Variants in CHN2 observed in about 807,000 individuals in gnomAD.
The protein encoded by CHN2 is beta-chimaerin.
Under a neutral mutation model 56.3 loss-of-function variants are expected in CHN2, and 35 were observed. The ratio of observed to expected loss-of-function variants is 0.62; its 90% CI spans 0.47 to 0.82. CHN2 has a LOEUF of 0.82. Among genes scored for constraint, CHN2 ranks in the 40% least tolerant of loss-of-function variants. The probability of loss-of-function intolerance (pLI) is 0.00; values close to 1 mark genes in which losing one functional copy is unlikely to be tolerated. For synonymous variants in CHN2, 210 were observed against 212.8 expected, an observed-to-expected ratio of 0.99 and a Z score of 0.12; for missense variants, 491 against 580.5, an observed-to-expected ratio of 0.85 and a Z score of 1.58.
At position 29,178,563 on chromosome 7, in the gene CHN2, A is replaced by G. The variant is rs79523953; in HGVS notation, c.274+31603A>G. On this transcript the variant is annotated intron_variant, in intron 2 of 6. Coordinates refer to the CHN2 transcript ENST00000439384. ...GAGACGTTGCCTGACATGCTGTTTTATGTTCATCTGAACACATTTTTCAGC... is the reference window on the plus strand; with the variant it reads ...GAGACGTTGCCTGACATGCTGTTTTGTGTTCATCTGAACACATTTTTCAGC... 4.5e-3 allele frequency among the ~76,000 whole-genome samples: 691 copies of G among 152,158 alleles called. 3 individuals are homozygous for G. The highest frequency in any genetic ancestry group is 0.013 in the African/African-American group (521 of 41,502).
intron 7 of CHN2, among the ~76,000 whole-genome samples, chr7:29,492,634 C>A (rs894949697): frequency 2.0e-5 from 3 of 152,162 alleles, no homozygotes; most frequent in African/African-American, 7.2e-5. Flanking sequence ...CCTTCCTTGA[C>A]TCCACATCTC....
intron 1 of CHN2, among the ~76,000 whole-genome samples, chr7:29,235,942 A>ATGAG (rs1787162036): frequency 6.6e-6 from 1 of 152,242 alleles, no homozygotes; most frequent in Non-Finnish European, 1.5e-5. Flanking sequence ...TACTATGCTC[A>ATGAG]TTACATGGGT....
At chr7:29,218,929 TGTACCCTAGAACTTA>T (rs1785557688) in intron 1 of CHN2, among the ~76,000 whole-genome samples, 2 of 151,632 alleles carry the variant, frequency 1.3e-5, no homozygotes, top group African/African-American at 4.8e-5. Flanking sequence ...GTTGTGCACA[TGTACCCTAGAACTTA>T]AAGTATAATA....
At chr7:29,378,128 A>C (rs1294965918) in intron 3 of CHN2, among the ~76,000 whole-genome samples, 2 of 152,206 alleles carry the variant, frequency 1.3e-5, no homozygotes, top group African/African-American at 4.8e-5. Context: ...TTTCATCAAC[A>C]CCTTTCAAGT....
chr7:29,216,603 C>T (rs565224278), intron 1 of CHN2, among the ~76,000 whole-genome samples: 3 of 152,356 alleles, frequency 2.0e-5, no homozygotes, highest in African/African-American at 4.8e-5. Context: ...TCTCTCTCCC[C>T]AGCCTCTCAG....
At chr7:29,227,340 G>A (rs1584794644) in intron 1 of CHN2, among the ~76,000 whole-genome samples, 1 of 152,148 alleles carries the variant, frequency 6.6e-6, no homozygotes, top group Non-Finnish European at 1.5e-5. Context: ...GCAGCATCCT[G>A]TACATCATTA....
intron 1 of CHN2, among the ~76,000 whole-genome samples, chr7:29,260,667 G>A (rs1012454506): frequency 2.6e-5 from 4 of 152,162 alleles, no homozygotes; most frequent in Non-Finnish European, 4.4e-5. Flanking sequence ...TGACTCCATA[G>A]CTCAGTGTTT....
At chr7:29,493,662 T>C (rs570009677) in intron 7 of CHN2, among the ~76,000 whole-genome samples, 86 of 152,296 alleles carry the variant, frequency 5.6e-4, no homozygotes, top group Non-Finnish European at 1.2e-3. Flanking sequence ...TCTTGACTCC[T>C]GTCTCCCTCA....
rs765995455 is a variant in CHN2 at position 29,147,009 on chromosome 7, A to G, written c.274+49A>G. On this transcript the variant is annotated intron_variant, in intron 2 of 6. Transcript: ENST00000439384. ...GTCCTGCCAAGCACTCTCCTGAATCACTGCGCTGGAGTCTCAGAGCCACCT... is the reference window on the plus strand; with the variant it reads ...GTCCTGCCAAGCACTCTCCTGAATCGCTGCGCTGGAGTCTCAGAGCCACCT... 5 of 1,549,578 alleles carry G rather than the reference A, an allele frequency of 3.2e-6. 1 individual carries two copies. In the South Asian group the frequency reaches 6.0e-5, roughly 18 times the overall value.
chr7:29,505,719 T>A (rs1042466154), intron 10 of CHN2, among the ~76,000 whole-genome samples: 1 of 152,070 alleles, frequency 6.6e-6, no homozygotes. Context: ...TTTTTCCACA[T>A]CCCCCCACAT....
chr7:29,299,731 G>A (rs1793494987), intron 1 of CHN2, among the ~76,000 whole-genome samples: 1 of 152,142 alleles, frequency 6.6e-6, no homozygotes, highest in Non-Finnish European at 1.5e-5. Context: ...CATAATTCCT[G>A]TATTTCCATT....
chr7:29,198,177 G>A (rs961304724), intron 1 of CHN2, among the ~76,000 whole-genome samples: 5 of 152,194 alleles, frequency 3.3e-5, no homozygotes, highest in African/African-American at 1.2e-4. Context: ...ATTGAGCAGT[G>A]AAAAAGGAAC....
At chr7:29,372,171 G>A (rs1236747232) in intron 3 of CHN2, among the ~76,000 whole-genome samples, 1 of 151,566 alleles carries the variant, frequency 6.6e-6, no homozygotes, top group East Asian at 1.9e-4. Flanking sequence ...CAAGTGCACT[G>A]CCTTTTAGCC....
chr7:29,399,557 A>C (rs1464955181), intron 5 of CHN2, among the ~76,000 whole-genome samples: 1 of 152,152 alleles, frequency 6.6e-6, no homozygotes, highest in African/African-American at 2.4e-5. Context: ...AGCCCTATAC[A>C]TTTCGGGGAA....
intron 1 of CHN2, among the ~76,000 whole-genome samples, chr7:29,351,718 G>A (rs536102777): frequency 6.6e-6 from 1 of 152,174 alleles, no homozygotes; most frequent in South Asian, 2.1e-4. Context: ...CAGAGAGAAA[G>A]CCAGTGTAGT....
chr7:29,484,631 A>C (rs532793176), intron 7 of CHN2, among the ~76,000 whole-genome samples: 162 of 152,344 alleles, frequency 1.1e-3, no homozygotes, highest in Non-Finnish European at 2.0e-3. Context: ...ATACTAATCC[A>C]GTATGATGTC....
At chr7:29,490,824 A>G (rs1286358164) in intron 7 of CHN2, among the ~76,000 whole-genome samples, 1 of 152,138 alleles carries the variant, frequency 6.6e-6, no homozygotes, top group Non-Finnish European at 1.5e-5. Flanking sequence ...AGTTTTTTGT[A>G]TATGTTGAAG....
intron 1 of CHN2, among the ~76,000 whole-genome samples, chr7:29,235,311 A>G (rs192625666): frequency 1.3e-5 from 2 of 152,374 alleles, no homozygotes; most frequent in East Asian, 3.9e-4. Flanking sequence ...CATTAGAGAA[A>G]TATAAATCAA....
intron 6 of CHN2, among the ~76,000 whole-genome samples, chr7:29,426,643 C>T (rs1046265177): frequency 6.6e-6 from 1 of 152,204 alleles, no homozygotes; most frequent in Non-Finnish European, 1.5e-5. Flanking sequence ...CAGGTTAAAA[C>T]AGCACTCAGA....
Sources: gnomAD v4.1 joint callset for allele counts (sites outside exome capture counted in the v4.1 genomes callset) on GRCh38, gnomAD v4.1.1 for gene constraint, MANE v1.5 for transcripts, NCBI Gene and HGNC (gene_info 2026-07-23, HGNC 2026-07-21) for gene names.